PALM2AKAP2: variants seen among roughly 807,000 people sequenced by gnomAD.
PALM2AKAP2 encodes PALM2 and AKAP2 fusion.
In PALM2AKAP2, 37 loss-of-function variants were observed where a neutral mutation model predicts 71.5. The observed-to-expected ratio is 0.52, with a 90% CI of 0.40 to 0.68. The LOEUF (loss-of-function observed/expected upper bound fraction) is 0.68. PALM2AKAP2 is among the 30% of genes least tolerant of loss of function. The pLI is 0.00. For synonymous variants in PALM2AKAP2, 468 were observed against 478.8 expected, an observed-to-expected ratio of 0.98 and a Z score of 0.29; for missense variants, 1,224 against 1,191.8, an observed-to-expected ratio of 1.03 and a Z score of -0.40.
intron 1 of PALM2AKAP2, among the ~76,000 whole-genome samples, chr9:109,812,416 CTT>C (rs1416209404): frequency 6.6e-6 from 1 of 152,098 alleles, no homozygotes; most frequent in East Asian, 1.9e-4. Flanking sequence ...TGGGCAAACT[CTT>C]TGCACCACAG....
intron 6 of PALM2AKAP2, among the ~76,000 whole-genome samples, chr9:110,015,670 C>G (rs1448526200): frequency 1.3e-5 from 2 of 152,018 alleles, no homozygotes; most frequent in African/African-American, 4.8e-5. Context: ...AGAGTTCATC[C>G]CAGCCTCTTC....
intron 3 of PALM2AKAP2, among the ~76,000 whole-genome samples, chr9:109,903,687 CAT>C (rs1298665595): frequency 6.6e-6 from 1 of 152,288 alleles, no homozygotes; most frequent in South Asian, 2.1e-4. Flanking sequence ...TAAATTCCCA[CAT>C]GTGCTACCTC....
At chr9:109,680,957 G>A (rs902373982) in intron 1 of PALM2AKAP2, among the ~76,000 whole-genome samples, 1 of 152,158 alleles carries the variant, frequency 6.6e-6, no homozygotes, top group East Asian at 1.9e-4. Flanking sequence ...AAAGATCCCA[G>A]AGTTAGACAA....
Position 109,645,793 on chromosome 9 carries a change from A to G in PALM2AKAP2, c.5+4927A>G, listed in dbSNP as rs563157833. On this transcript the variant is annotated intron_variant, in intron 1 of 6. Coordinates refer to the PALM2AKAP2 transcript ENST00000374531. ...AGGCACAAGGGTTGAAAAATTACCT[A>G]TTGAGTACAGTGTTCACTATTTGGG... is the stretch of plus-strand genomic sequence containing the variant. Among the ~76,000 whole-genome samples the G allele has an allele frequency of 9.3e-4, 141 of 152,278 alleles. 1 individual carries two copies. In the South Asian group the frequency reaches 0.023, roughly 25 times the overall value.
intron 7 of PALM2AKAP2, among the ~76,000 whole-genome samples, chr9:110,038,618 G>T (rs1197298125): frequency 6.6e-6 from 1 of 151,840 alleles, no homozygotes; most frequent in Non-Finnish European, 1.5e-5. Context: ...GAATTGAGGT[G>T]GTAGGATCAA....
intron 1 of PALM2AKAP2, among the ~76,000 whole-genome samples, chr9:109,662,364 T>A (rs527424515): frequency 2.0e-5 from 3 of 152,256 alleles, no homozygotes; most frequent in Non-Finnish European, 2.9e-5. Context: ...TTTTTGAGAG[T>A]TTTTAGCCTG....
chr9:109,715,982 G>A (rs1246411047), intron 1 of PALM2AKAP2, among the ~76,000 whole-genome samples: 1 of 152,168 alleles, frequency 6.6e-6, no homozygotes, highest in Non-Finnish European at 1.5e-5. Context: ...GACTGGAACT[G>A]GTAGAACATT....
rs555112263 is a variant in PALM2AKAP2, at chr9:110,036,003, G to A, written c.582+19964G>A. ...GTCGCCCAGGCTCAAGTGCAGTGGC[G>A]TGATCTCAGCTCACTGCAAGCTCCA... On this transcript the variant is annotated intron_variant, in intron 7 of 9. Transcript: ENST00000302798. 2.6e-5 allele frequency among the ~76,000 whole-genome samples: 4 copies of A among 151,894 alleles called. No homozygotes were observed. In the East Asian group the frequency reaches 5.8e-4, roughly 22 times the overall value.
At chr9:109,949,672 G>C (rs1213956485) in intron 6 of PALM2AKAP2, among the ~76,000 whole-genome samples, 1 of 152,174 alleles carries the variant, frequency 6.6e-6, no homozygotes, top group East Asian at 1.9e-4. Flanking sequence ...ATGAGATCCA[G>C]TGTTTCCAAA....
At chr9:109,840,844 C>T (rs957159687) in intron 1 of PALM2AKAP2, among the ~76,000 whole-genome samples, 11 of 152,032 alleles carry the variant, frequency 7.2e-5, no homozygotes, top group African/African-American at 2.4e-4. Flanking sequence ...GTTAGAATGG[C>T]GATCATTAAA....
chr9:109,788,369 G>A (rs1827021414), intron 1 of PALM2AKAP2, among the ~76,000 whole-genome samples: 1 of 152,204 alleles, frequency 6.6e-6, no homozygotes, highest in African/African-American at 2.4e-5. Flanking sequence ...AGGACTCATA[G>A]TAGCAGCAAC....
chr9:110,059,498 A>T (rs1833916424), intron 1 of PALM2AKAP2, among the ~76,000 whole-genome samples: 1 of 152,208 alleles, frequency 6.6e-6, no homozygotes, highest in East Asian at 1.9e-4. Context: ...CCCAAACTGG[A>T]TTTAAGACCA....
At chr9:109,836,646 A>G (rs10121667) in intron 1 of PALM2AKAP2, among the ~76,000 whole-genome samples, 23,871 of 152,192 alleles carry the variant, frequency 0.16, 2,019 homozygotes, top group African/African-American at 0.19. Context: ...GATTAGACAA[A>G]TGGCTAACTA....
chr9:109,728,249 C>T (rs149503173), intron 1 of PALM2AKAP2, among the ~76,000 whole-genome samples: 7 of 152,358 alleles, frequency 4.6e-5, no homozygotes, highest in Admixed American at 1.3e-4. Flanking sequence ...AGCATTTCTA[C>T]GTGTTAAGCA....
chr9:109,644,154 A>C (rs1343684946), intron 1 of PALM2AKAP2, among the ~76,000 whole-genome samples: 1 of 152,198 alleles, frequency 6.6e-6, no homozygotes, highest in Non-Finnish European at 1.5e-5. Flanking sequence ...TCTCAACATG[A>C]TACCTGGAGG....
intron 3 of PALM2AKAP2, among the ~76,000 whole-genome samples, chr9:109,887,843 G>C (rs1830001677): frequency 6.6e-6 from 1 of 152,128 alleles, no homozygotes; most frequent in South Asian, 2.1e-4. Context: ...AAATTTTTTT[G>C]AGACCTCTGA....
intron 6 of PALM2AKAP2, among the ~76,000 whole-genome samples, chr9:110,009,481 G>A (rs1201786174): frequency 3.3e-5 from 5 of 152,026 alleles, no homozygotes; most frequent in East Asian, 1.9e-4. Context: ...TTGGGAGGCC[G>A]AGGCGGGTGG....
chr9:109,867,450 C>A lies in PALM2AKAP2; in HGVS notation c.46-41C>A, dbSNP rs765319014. The A allele has an allele frequency of 2.1e-5, 34 of 1,605,396 alleles. 1 individual carries two copies. The South Asian group carries it at 3.8e-4, about 18-fold the overall frequency. On this transcript the variant is annotated intron_variant, in intron 1 of 9. Transcript: ENST00000302798. ...TCTGCCTTAAAATTTCTGGAGCCAA[C>A]ACCCACCCACTCTTACAGCCTCTGT...
At chr9:110,073,930 C>T (rs567437872) in intron 1 of PALM2AKAP2, among the ~76,000 whole-genome samples, 1 of 152,186 alleles carries the variant, frequency 6.6e-6, no homozygotes, top group Admixed American at 6.5e-5. Flanking sequence ...CCACAAAATA[C>T]ACATGAATTG....
Sources: allele counts gnomAD v4.1 joint callset (sites outside exome capture counted in the v4.1 genomes callset), GRCh38; gene constraint gnomAD v4.1.1; transcripts MANE v1.5; gene names NCBI Gene and HGNC (gene_info 2026-07-23, HGNC 2026-07-21).